Variants in YTHDC2 observed in about 807,000 individuals in gnomAD.
YTHDC2 encodes 3'-5' RNA helicase YTHDC2.
In YTHDC2, 45 loss-of-function variants were observed where a neutral mutation model predicts 174.9. The observed-to-expected ratio is 0.26, with a 90% confidence interval of 0.20 to 0.33. YTHDC2 has a LOEUF of 0.33. YTHDC2 is among the 10% of genes least tolerant of loss of function. The pLI is 1.00. For missense variants in YTHDC2, 1,650 were observed against 1,723.7 expected, an observed-to-expected ratio of 0.96 and a Z score of 0.76; for synonymous variants, 657 against 574.5, an observed-to-expected ratio of 1.14 and a Z score of -2.05.
intron 2 of YTHDC2, among the ~76,000 whole-genome samples, chr5:113,522,453 G>C (rs774166920): frequency 1.2e-4 from 19 of 152,086 alleles, no homozygotes; most frequent in Admixed American, 4.6e-4. Flanking sequence ...TCGAAAGTTA[G>C]GTGTTATGAT....
intron 18 of YTHDC2, among the ~76,000 whole-genome samples, chr5:113,562,996 C>T (rs1561677581): frequency 6.6e-6 from 1 of 151,916 alleles, no homozygotes; most frequent in African/African-American, 2.4e-5. Context: ...GGGCCTTGCA[C>T]TTAGAAAGCA....
intron 26 of YTHDC2, 62 bp from the exon 27 acceptor site, chr5:113,590,979 A>G (rs1203590541): frequency 4.3e-6 from 6 of 1,401,676 alleles, no homozygotes; most frequent in Non-Finnish European, 5.9e-6. Flanking sequence ...ATGTTATTTA[A>G]TGGAGCCTCT....
intron 26 of YTHDC2, among the ~76,000 whole-genome samples, chr5:113,585,145 G>A (rs1284277248): frequency 3.3e-5 from 5 of 151,666 alleles, no homozygotes; most frequent in Admixed American, 6.6e-5. Flanking sequence ...TATAATTTCA[G>A]AATCGAAAAC....
chr5:113,587,553 C>T, intron 26 of YTHDC2, among the ~76,000 whole-genome samples: 1 of 136,806 alleles, frequency 7.3e-6, no homozygotes, highest in African/African-American at 2.7e-5. Flanking sequence ...ATATATTGTA[C>T]ATACATAATA....
At chr5:113,586,133 A>T (rs550207932) in intron 26 of YTHDC2, among the ~76,000 whole-genome samples, 9 of 152,190 alleles carry the variant, frequency 5.9e-5, no homozygotes, top group Middle Eastern at 3.4e-3. Flanking sequence ...TAACAATCTT[A>T]AGAGTTCCAT....
chr5:113,531,967 A>G (rs999804953), intron 4 of YTHDC2, among the ~76,000 whole-genome samples: 2 of 152,110 alleles, frequency 1.3e-5, no homozygotes, highest in South Asian at 2.1e-4. Context: ...CATTTTCACT[A>G]CTAGTGATTT....
At chr5:113,577,997 T>A (rs1778169315) in intron 23 of YTHDC2, among the ~76,000 whole-genome samples, 1 of 152,202 alleles carries the variant, frequency 6.6e-6, no homozygotes. Context: ...TGGTAATACT[T>A]CCATTTATTA....
Position 113,513,805 on chromosome 5 carries a change from G to A in YTHDC2, c.-91G>A, listed in dbSNP as rs909570906. The A allele has an allele frequency of 1.4e-6, 2 of 1,402,142 alleles. No homozygotes were observed. The highest frequency in any genetic ancestry group is 3.0e-5 in the African/African-American group (2 of 66,760). 86.9% of individuals were successfully genotyped at this position (1,402,142 alleles called of 1,614,324 possible). On this transcript the variant is annotated 5_prime_UTR_variant, in exon 1 of 30. Transcript: ENST00000161863. Reference sequence around the variant, plus strand: ...CACAGGCCGTCTCCGGAGCTTCCCGGTAGTGGCCCCGGATTCCCACGGTCT... The same window carrying A: ...CACAGGCCGTCTCCGGAGCTTCCCGATAGTGGCCCCGGATTCCCACGGTCT...
rs181908738 is a variant in YTHDC2, at chr5:113,563,115, A to G, written c.2323-258A>G. 6.6e-5 allele frequency among the ~76,000 whole-genome samples: 10 copies of G among 151,996 alleles called. No homozygotes were observed. In the East Asian group the frequency reaches 1.9e-3, roughly 29 times the overall value. On this transcript the variant is annotated intron_variant, in intron 18 of 29. Coordinates refer to ENST00000161863, the MANE Select transcript of YTHDC2 (RefSeq NM_022828.5). ...GACTATGAATGTTATGTATACGAACAGTGTGAGGAGATGTTGCCAATGGGA... is the reference window on the plus strand; with the variant it reads ...GACTATGAATGTTATGTATACGAACGGTGTGAGGAGATGTTGCCAATGGGA...
At chr5:113,554,162 T>C in intron 16 of YTHDC2, 140 bp downstream of exon 16, 2 of 681,484 alleles carry the variant, frequency 2.9e-6, no homozygotes, top group Non-Finnish European at 4.3e-6. Flanking sequence ...CATGCTTTTA[T>C]AAGCAGAATT....
In YTHDC2 at chr5:113,525,124, G is replaced by T. The variant is rs146346648; in HGVS notation, c.422G>T (p.Arg141Leu). The T allele has an allele frequency of 6.2e-7, 1 of 1,609,630 alleles. No individual in the cohort carries two copies. Among genetic ancestry groups the T allele is most frequent in the Non-Finnish European group, 8.5e-7 (1 of 1,178,080 alleles). Reference sequence around the variant, plus strand: ...AGATTTCCTGTCACCAATAAAGAGCGTACAGAACTTCTGCCTAAAACAGAA... The same window carrying T: ...AGATTTCCTGTCACCAATAAAGAGCTTACAGAACTTCTGCCTAAAACAGAA... ...IQRFPVTNKERTELLPKTERG... is the reference protein window; with the variant it reads ...IQRFPVTNKELTELLPKTERG... Residue 141 changes from arginine (R) to leucine (L), a missense_variant, in exon 3 of 30, where the codon CGT (arginine) becomes CTT (leucine). By Grantham distance (102) the Arg-to-Leu change is moderately radical. This residue lies in a region of YTHDC2 where 304 missense variants were observed against 341.4 expected (regional missense o/e 0.89). Transcript: ENST00000161863.
intron 18 of YTHDC2, among the ~76,000 whole-genome samples, chr5:113,562,849 C>G (rs1407864083): frequency 6.6e-6 from 1 of 152,162 alleles, no homozygotes; most frequent in Non-Finnish European, 1.5e-5. Flanking sequence ...CTATAGCCTT[C>G]ATAGCACTGA....
At chr5:113,526,845 A>ATG (rs1774291576) in intron 4 of YTHDC2, 60 bp downstream of exon 4, 1 of 377,990 alleles carries the variant, frequency 2.6e-6, no homozygotes, top group Non-Finnish European at 4.1e-6. Context: ...ATATATATAT[A>ATG]TATAGTCCCA....
At chr5:113,576,707 T>C (rs1778073627) in intron 23 of YTHDC2, among the ~76,000 whole-genome samples, 1 of 152,196 alleles carries the variant, frequency 6.6e-6, no homozygotes, top group Non-Finnish European at 1.5e-5. Flanking sequence ...AGTTGTTTTT[T>C]TCATCTTCTG....
In YTHDC2 at chr5:113,595,082, CTTAA is replaced by C. The variant is rs1311185575; in HGVS notation, c.*1610_*1613del. 1 of 151,524 alleles carries C rather than the reference CTTAA, an allele frequency of 6.6e-6. No individual in the cohort carries two copies. The highest frequency in any genetic ancestry group is 6.6e-5 in the Admixed American group (1 of 15,200). The allele number at this position is 151,524 out of a possible 1,614,324, so 9.4% of individuals were successfully genotyped here. A position where few individuals can be genotyped will look rare whatever the true frequency, so the allele number is the denominator to read the frequency against. The stretch of plus-strand genomic sequence containing the variant: ...AATGTGTACATTTTTTAGGCATGTA[CTTAA>C]TAGTTCACAATGTTCTAAATTTGGA... On this transcript the variant is annotated 3_prime_UTR_variant, in exon 30 of 30. Coordinates refer to ENST00000161863, the MANE Select transcript of YTHDC2 (RefSeq NM_022828.5).
At chr5:113,558,651 T>G (rs1379539991) in intron 17 of YTHDC2, among the ~76,000 whole-genome samples, 7 of 151,980 alleles carry the variant, frequency 4.6e-5, no homozygotes, top group Non-Finnish European at 1.0e-4. Flanking sequence ...TATTTTGAGT[T>G]TGAGTTGCCT....
chr5:113,543,524 A>G (rs960331209), intron 10 of YTHDC2, among the ~76,000 whole-genome samples: 1 of 152,236 alleles, frequency 6.6e-6, no homozygotes. Context: ...CTTCTGGACT[A>G]TTGCAGTAGC....
At chr5:113,588,667 G>T (rs906482992) in intron 26 of YTHDC2, among the ~76,000 whole-genome samples, 2 of 151,634 alleles carry the variant, frequency 1.3e-5, no homozygotes, top group African/African-American at 4.8e-5. Context: ...CTGCCACCCA[G>T]GCTGGAGTGC....
intron 5 of YTHDC2, among the ~76,000 whole-genome samples, 163 bp downstream of exon 5, chr5:113,533,208 T>G (rs2112582214): frequency 6.6e-6 from 1 of 152,266 alleles, no homozygotes; most frequent in South Asian, 2.1e-4. Flanking sequence ...TAGAGTAGTA[T>G]TGAATGAAGA....
Sources: allele counts gnomAD v4.1 joint callset (sites outside exome capture counted in the v4.1 genomes callset), GRCh38; gene constraint gnomAD v4.1.1; regional missense constraint gnomAD v4.1.1; transcripts MANE v1.5; gene names NCBI Gene and HGNC (gene_info 2026-07-23, HGNC 2026-07-21).